FOXP2: variants seen among roughly 807,000 people sequenced by gnomAD.
FOXP2 encodes the protein forkhead box P2.
In FOXP2, 12 loss-of-function variants were observed where a neutral mutation model predicts 115.8. That is an observed-to-expected ratio of 0.10 (90% CI 0.07 to 0.17). FOXP2 has a LOEUF of 0.17. Among genes scored for constraint, FOXP2 ranks in the 10% least tolerant of loss-of-function variants. The pLI is 1.00. For missense variants in FOXP2, 629 were observed against 843.5 expected (o/e 0.75, Z 3.15); for synonymous variants, 328 against 297.7 (o/e 1.10, Z -1.05).
intron 2 of FOXP2, among the ~76,000 whole-genome samples, chr7:114,380,886 C>T (rs1024335482): frequency 1.3e-5 from 2 of 152,250 alleles, no homozygotes; most frequent in Non-Finnish European, 2.9e-5. Context: ...GGGTTGCAAG[C>T]TTGTCCTTTG....
chr7:114,484,466 A>G (rs1007703938), intron 2 of FOXP2, among the ~76,000 whole-genome samples: 3 of 151,902 alleles, frequency 2.0e-5, no homozygotes, highest in African/African-American at 7.2e-5. Flanking sequence ...GGGCTCACTA[A>G]CAGGGTTTGC....
chr7:114,372,256 T>A (rs916425810), intron 2 of FOXP2, among the ~76,000 whole-genome samples: 1 of 151,978 alleles, frequency 6.6e-6, no homozygotes, highest in African/African-American at 2.4e-5. Context: ...ATATTCTATT[T>A]AAAAAAAACT....
chr7:114,261,095 ATTG>A (rs900343831), intron 1 of FOXP2, among the ~76,000 whole-genome samples: 7 of 152,302 alleles, frequency 4.6e-5, no homozygotes, highest in South Asian at 2.1e-4. Context: ...TTGGTTTACA[ATTG>A]TTGTTGTATG....
intron 2 of FOXP2, among the ~76,000 whole-genome samples, chr7:114,439,268 G>A (rs544951253): frequency 2.8e-4 from 42 of 151,990 alleles, no homozygotes; most frequent in East Asian, 1.2e-3. Context: ...CTATTATGTC[G>A]GATATGGATT....
intron 2 of FOXP2, among the ~76,000 whole-genome samples, chr7:114,329,843 A>C (rs1385556688): frequency 1.3e-5 from 2 of 151,454 alleles, no homozygotes; most frequent in African/African-American, 2.4e-5. Flanking sequence ...TACCTGGCTA[A>C]TTTTTGTATT....
chr7:114,357,047 T>C (rs1195389877), intron 2 of FOXP2, among the ~76,000 whole-genome samples: 1 of 152,278 alleles, frequency 6.6e-6, no homozygotes, highest in Middle Eastern at 3.4e-3. Flanking sequence ...TTGGAAGAGA[T>C]ATGGTTATAC....
intron 2 of FOXP2, among the ~76,000 whole-genome samples, chr7:114,504,030 G>C (rs1468477599): frequency 6.6e-6 from 1 of 151,484 alleles, no homozygotes; most frequent in Admixed American, 6.6e-5. Flanking sequence ...ATGATGGCTA[G>C]GTAGTACATA....
At chr7:114,256,731 T>C (rs1292817182) in intron 1 of FOXP2, among the ~76,000 whole-genome samples, 1 of 152,208 alleles carries the variant, frequency 6.6e-6, no homozygotes, top group African/African-American at 2.4e-5. Context: ...CAATTTTTGC[T>C]TTTGTTGCAA....
chr7:114,643,539 T>C (rs1446209993), intron 7 of FOXP2, among the ~76,000 whole-genome samples: 2 of 152,190 alleles, frequency 1.3e-5, no homozygotes. Flanking sequence ...CAGTTATTAA[T>C]ATTAAATGTG....
intron 6 of FOXP2, among the ~76,000 whole-genome samples, chr7:114,636,849 A>G (rs985210120): frequency 6.6e-6 from 1 of 152,116 alleles, no homozygotes; most frequent in Admixed American, 6.6e-5. Flanking sequence ...CATCTTGTAG[A>G]TACTCCACAA....
intron 16 of FOXP2, among the ~76,000 whole-genome samples, chr7:114,684,537 C>T (rs1808257861): frequency 6.6e-6 from 1 of 152,138 alleles, no homozygotes; most frequent in Non-Finnish European, 1.5e-5. Flanking sequence ...TAGAAATACT[C>T]AGCTATTAAA....
At chr7:114,202,088 A>ATCC (rs1794081921) in intron 1 of FOXP2, among the ~76,000 whole-genome samples, 1 of 152,210 alleles carries the variant, frequency 6.6e-6, no homozygotes, top group Admixed American at 6.5e-5. Context: ...AACCATCCAG[A>ATCC]GGGAAGAGGA....
chr7:114,446,084 T>A (rs1794825918), intron 2 of FOXP2, among the ~76,000 whole-genome samples: 1 of 152,102 alleles, frequency 6.6e-6, no homozygotes, highest in African/African-American at 2.4e-5. Flanking sequence ...ATAAGTCTGA[T>A]ATTTTTAGAG....
rs145503155 is a variant in FOXP2, at chr7:114,377,364, C to T, written c.-10-49138C>T. On this transcript the variant is annotated intron_variant, in intron 2 of 17. Transcript: ENST00000634411. ...GAGTTGGAAGTAAACAATTAGCAGACATTGCCAACTCCCACTTAGAAGAGA... is the reference window on the plus strand; with the variant it reads ...GAGTTGGAAGTAAACAATTAGCAGATATTGCCAACTCCCACTTAGAAGAGA... Among the ~76,000 whole-genome samples, 680 of 152,238 alleles carry T rather than the reference C, an allele frequency of 4.5e-3. 7 individuals are homozygous for T. The highest frequency in any genetic ancestry group is 0.016 in the African/African-American group (646 of 41,552).
intron 1 of FOXP2, among the ~76,000 whole-genome samples, chr7:114,132,633 A>G (rs1047061781): frequency 1.4e-4 from 18 of 131,934 alleles, no homozygotes; most frequent in Non-Finnish European, 1.1e-4. Flanking sequence ...GGGGTTTGCA[A>G]TTTTAGATGG....
At chr7:114,218,631 G>T (rs1021716012) in intron 1 of FOXP2, among the ~76,000 whole-genome samples, 1 of 152,106 alleles carries the variant, frequency 6.6e-6, no homozygotes, top group African/African-American at 2.4e-5. Flanking sequence ...TGAGAAAGAA[G>T]ATAGAATAAA....
chr7:114,658,127 T>C lies in FOXP2; in HGVS notation c.1328T>C (p.Leu443Ser). 6.2e-7 allele frequency: 1 copy of C among 1,613,890 alleles called. No homozygotes were observed. The highest frequency in any genetic ancestry group is 8.5e-7 in the Non-Finnish European group (1 of 1,179,870). ...KNMLETSPQS[L>S]PQTPTTPTAP... ...ATGTTGGAGACATCCCCACAGAGCT[T>C]ACCTCAAACCCCTACCACACCAACG... The change falls in exon 11 of 17, where the codon TTA (leucine) becomes TCA (serine). Residue 443 changes from leucine to serine, a missense_variant. This residue lies in a region of FOXP2 where 101 missense variants were observed against 116.0 expected (regional missense o/e 0.87). Coordinates refer to ENST00000350908, the MANE Select transcript of FOXP2 (RefSeq NM_014491.4).
At chr7:114,459,979 T>G (rs1795491479) in intron 2 of FOXP2, among the ~76,000 whole-genome samples, 2 of 152,212 alleles carry the variant, frequency 1.3e-5, no homozygotes, top group South Asian at 4.1e-4. Flanking sequence ...TCAGTAGCCA[T>G]TCATGCCCAA....
intron 1 of FOXP2, among the ~76,000 whole-genome samples, chr7:114,111,141 T>C (rs918053298): frequency 1.3e-5 from 2 of 152,162 alleles, no homozygotes; most frequent in Non-Finnish European, 2.9e-5. Context: ...CACCTCCCAG[T>C]ATCCAGGTTC....
Sources: allele counts gnomAD v4.1 joint callset (sites outside exome capture counted in the v4.1 genomes callset), GRCh38; gene constraint gnomAD v4.1.1; regional missense constraint gnomAD v4.1.1; transcripts MANE v1.5; gene names NCBI Gene and HGNC (gene_info 2026-07-23, HGNC 2026-07-21).